Variants in MCF2L2 observed in about 807,000 individuals in gnomAD.
The protein encoded by MCF2L2 is MCF.2 cell line derived transforming sequence-like 2, also known as probable guanine nucleotide exchange factor MCF2L2.
A neutral mutation model predicts 150.2 loss-of-function variants in MCF2L2; 102 were observed. That is an observed-to-expected ratio of 0.68 (90% CI 0.58 to 0.80). MCF2L2 has a LOEUF of 0.80. Among genes scored for constraint, MCF2L2 ranks in the 30% least tolerant of loss-of-function variants. MCF2L2 has a pLI of 0.00. For synonymous variants in MCF2L2, 465 were observed against 491.3 expected (o/e 0.95, Z 0.71); for missense variants, 1,256 against 1,372.8 (o/e 0.91, Z 1.34).
chr3:183,349,692 C>T (rs1731036239), intron 3 of MCF2L2, among the ~76,000 whole-genome samples: 1 of 152,178 alleles, frequency 6.6e-6, no homozygotes, highest in Non-Finnish European at 1.5e-5. Flanking sequence ...GCAGAAGAAA[C>T]CAAGGCTGAT....
chr3:183,416,982 C>T (rs1021755720), intron 1 of MCF2L2, among the ~76,000 whole-genome samples: 2 of 151,094 alleles, frequency 1.3e-5, no homozygotes, highest in African/African-American at 4.9e-5. Context: ...CGTGGTGGGG[C>T]GTGCCTGTAA....
At position 183,311,017 on chromosome 3, in the gene MCF2L2, T is replaced by A; in HGVS notation, c.891A>T (p.Gln297His). Reference sequence around the variant, plus strand: ...TAAAGGCTTTTTCTGTTTCATCCAGTTGAACTAATAACCTTTCAAGAAAGA... The same window carrying A: ...TAAAGGCTTTTTCTGTTTCATCCAGATGAACTAATAACCTTTCAAGAAAGA... Reference protein sequence around the residue: ...NVTTMERLLVQLDETEKAFSH... With the variant: ...NVTTMERLLVHLDETEKAFSH... Residue 297 changes from glutamine to histidine, a missense_variant, in exon 9 of 30, where the codon CAA (glutamine) becomes CAT (histidine). Gln to His is a conservative substitution (Grantham distance 24). Transcript: ENST00000328913. 6.2e-7 allele frequency: 1 copy of A among 1,606,734 alleles called. No individual in the cohort carries two copies. The highest frequency in any genetic ancestry group is 8.5e-7 in the Non-Finnish European group (1 of 1,173,406).
intron 3 of MCF2L2, chr3:183,372,197 G>C (rs1019668140): frequency 5.9e-5 from 9 of 152,040 alleles, no homozygotes; most frequent in Non-Finnish European, 1.2e-4. Context: ...TCTCTGACGA[G>C]GCTGGTTTCT....
At chr3:183,278,060 C>A (rs914734493) in intron 14 of MCF2L2, among the ~76,000 whole-genome samples, 9 of 151,246 alleles carry the variant, frequency 6.0e-5, no homozygotes, top group East Asian at 2.0e-4. Flanking sequence ...TGGCAGGCAC[C>A]TGTAATCCAG....
intron 15 of MCF2L2, among the ~76,000 whole-genome samples, chr3:183,263,919 C>T (rs903250783): frequency 1.2e-4 from 19 of 152,038 alleles, no homozygotes; most frequent in Non-Finnish European, 2.4e-4. Flanking sequence ...GCCTTCCTTC[C>T]GTCCCCATTT....
At chr3:183,309,241 T>C (rs1228119374) in intron 10 of MCF2L2, among the ~76,000 whole-genome samples, 2 of 151,214 alleles carry the variant, frequency 1.3e-5, no homozygotes, top group Non-Finnish European at 2.9e-5. Flanking sequence ...CATCTAATTG[T>C]CTTGCTCCAG....
intron 15 of MCF2L2, chr3:183,272,309 A>C: frequency 1.0e-6 from 1 of 1,000,306 alleles, no homozygotes; most frequent in Non-Finnish European, 1.2e-6. Context: ...GATTATATGA[A>C]GGCCAAAATA....
At position 183,278,699 on chromosome 3, in the gene MCF2L2, T is replaced by C. The variant is rs568466144; in HGVS notation, c.1777-1742A>G. Among the ~76,000 whole-genome samples the C allele has an allele frequency of 3.9e-5, 6 of 152,306 alleles. No individual in the cohort carries two copies. In the East Asian group the frequency reaches 1.2e-3, roughly 29 times the overall value. On this transcript the variant is annotated intron_variant, in intron 14 of 29. Transcript: ENST00000328913. ...GTGAAACCTGCTCCCAATTATAAAATGAATTGTGCTCTTTCGAACTCCGTT... is the reference window on the plus strand; with the variant it reads ...GTGAAACCTGCTCCCAATTATAAAACGAATTGTGCTCTTTCGAACTCCGTT...
At chr3:183,214,480 C>T (rs1422549094) in intron 22 of MCF2L2, among the ~76,000 whole-genome samples, 1 of 151,904 alleles carries the variant, frequency 6.6e-6, no homozygotes, top group Non-Finnish European at 1.5e-5. Context: ...GAAATACCAG[C>T]GTGGGAAGTA....
chr3:183,380,505 G>A (rs778300058), intron 2 of MCF2L2, among the ~76,000 whole-genome samples: 21 of 152,262 alleles, frequency 1.4e-4, no homozygotes, highest in Non-Finnish European at 2.6e-4. Context: ...AGGTTCAAGC[G>A]ATTCTCCTGC....
chr3:183,209,064 T>G (rs1722596245), intron 22 of MCF2L2, among the ~76,000 whole-genome samples: 1 of 152,256 alleles, frequency 6.6e-6, no homozygotes, highest in South Asian at 2.1e-4. Flanking sequence ...CCAATGCTCC[T>G]GTTCTGTGTT....
chr3:183,281,922 T>C (rs1362913209), intron 14 of MCF2L2, among the ~76,000 whole-genome samples: 2 of 142,918 alleles, frequency 1.4e-5, no homozygotes, highest in South Asian at 4.5e-4. Context: ...TGAGACAAGG[T>C]CTTGCTCTGT....
intron 5 of MCF2L2, among the ~76,000 whole-genome samples, chr3:183,335,593 C>T (rs1400004487): frequency 6.6e-6 from 1 of 151,964 alleles, no homozygotes; most frequent in Non-Finnish European, 1.5e-5. Context: ...GGTAGCTGAG[C>T]ATAGTGGCTC....
chr3:183,280,297 G>A (rs926858031), intron 14 of MCF2L2, among the ~76,000 whole-genome samples: 5 of 151,566 alleles, frequency 3.3e-5, no homozygotes, highest in African/African-American at 7.3e-5. Flanking sequence ...TGAAAAAAAC[G>A]CCTAGAGGAA....
chr3:183,268,622 A>G (rs1289800026), intron 15 of MCF2L2, among the ~76,000 whole-genome samples: 2 of 152,164 alleles, frequency 1.3e-5, no homozygotes, highest in Non-Finnish European at 2.9e-5. Context: ...TGGGTGAGAA[A>G]TGACACTTGA....
At chr3:183,418,859 T>C (rs1715729707) in intron 1 of MCF2L2, among the ~76,000 whole-genome samples, 1 of 152,160 alleles carries the variant, frequency 6.6e-6, no homozygotes, top group Non-Finnish European at 1.5e-5. Flanking sequence ...GGGCATACAG[T>C]GCAAGCTGTC....
intron 15 of MCF2L2, chr3:183,272,445 AT>A (rs1356209802): frequency 1.0e-6 from 1 of 1,000,180 alleles, no homozygotes; most frequent in East Asian, 1.1e-4. Context: ...ACGAAAAAAG[AT>A]TTCTCAGTAT....
At position 183,379,429 on chromosome 3, in the gene MCF2L2, G is replaced by C. The variant is rs1398543960; in HGVS notation, c.161-18C>G. 18 of 1,573,420 alleles carry C rather than the reference G, an allele frequency of 1.1e-5. No individual in the cohort carries two copies. Among genetic ancestry groups the C allele is most frequent in the Non-Finnish European group, 1.6e-5 (18 of 1,147,176 alleles). ...TCGGCCTCCTGCAACAAAAACAGGT[G>C]GTCAAAATGTTAGCAAAATGTTGTC... On this transcript the variant is annotated intron_variant, in intron 2 of 29. Coordinates refer to ENST00000328913, the MANE Select transcript of MCF2L2 (RefSeq NM_015078.4).
intron 22 of MCF2L2, among the ~76,000 whole-genome samples, chr3:183,212,228 C>T (rs576187244): frequency 5.9e-5 from 9 of 152,170 alleles, no homozygotes; most frequent in African/African-American, 1.7e-4. Context: ...GGACGTCTAG[C>T]CGTCAAAACT....
Sources: gnomAD v4.1 joint callset for allele counts (sites outside exome capture counted in the v4.1 genomes callset) on GRCh38, gnomAD v4.1.1 for gene constraint, MANE v1.5 for transcripts, NCBI Gene and HGNC (gene_info 2026-07-23, HGNC 2026-07-21) for gene names.